Variants in OSGIN2 observed in about 807,000 individuals in gnomAD.
OSGIN2 encodes oxidative stress induced growth inhibitor family member 2.
A neutral mutation model predicts 53.8 loss-of-function variants in OSGIN2; 19 were observed. The observed-to-expected ratio is 0.35, with a 90% CI of 0.25 to 0.52. The LOEUF (loss-of-function observed/expected upper bound fraction) is 0.52. OSGIN2 is among the 20% of genes least tolerant of loss of function. The pLI, the probability that OSGIN2 is intolerant of heterozygous loss-of-function variation, is 0.95. For synonymous variants in OSGIN2, 236 were observed against 236.0 expected (o/e 1.00, Z 0.00); for missense variants, 520 against 662.7 (o/e 0.78, Z 2.36).
At chr8:89,915,339 C>A (rs1294044106) in intron 4 of OSGIN2, among the ~76,000 whole-genome samples, 2 of 152,190 alleles carry the variant, frequency 1.3e-5, no homozygotes, top group Non-Finnish European at 1.5e-5. Context: ...GAGAAATATT[C>A]TCTTCTTATG....
At position 89,925,701 on chromosome 8, in the gene OSGIN2, T is replaced by C. The variant is rs1809310305; in HGVS notation, c.*169T>C. 1 of 562,910 alleles carries C rather than the reference T, an allele frequency of 1.8e-6. No homozygotes were observed. Among genetic ancestry groups the C allele is most frequent in the Non-Finnish European group, 3.1e-6 (1 of 319,960 alleles). The allele number at this position is 562,910 out of a possible 1,614,324, so 34.9% of individuals were successfully genotyped here. ...CTAGAATTTGGTATCCTGATTTATA[T>C]TGCAGTGTTTCAAAGGTGTCACTGT... On this transcript the variant is annotated 3_prime_UTR_variant, in exon 6 of 6. Transcript: ENST00000451899.
intron 4 of OSGIN2, among the ~76,000 whole-genome samples, chr8:89,920,113 T>A (rs1809165082): frequency 6.6e-6 from 1 of 152,190 alleles, no homozygotes; most frequent in Non-Finnish European, 1.5e-5. Context: ...TAATCTCTGA[T>A]AGATAATACA....
chr8:89,915,191 A>T (rs1199244731), intron 4 of OSGIN2, among the ~76,000 whole-genome samples: 1 of 152,214 alleles, frequency 6.6e-6, no homozygotes, highest in East Asian at 1.9e-4. Context: ...GATGGCTTAA[A>T]CAACATATTT....
At chr8:89,917,601 C>T (rs577835916) in intron 4 of OSGIN2, among the ~76,000 whole-genome samples, 2 of 152,296 alleles carry the variant, frequency 1.3e-5, no homozygotes, top group South Asian at 2.1e-4. Context: ...GGCCAAAACA[C>T]TACTATAACC....
chr8:89,905,799 C>T (rs1035053582), intron 1 of OSGIN2, among the ~76,000 whole-genome samples: 1 of 152,142 alleles, frequency 6.6e-6, no homozygotes, highest in Non-Finnish European at 1.5e-5. Context: ...GAGGGCTGCA[C>T]ATGCAAAAAA....
In OSGIN2 at chr8:89,907,500, C is replaced by T. The variant is rs933352424; in HGVS notation, c.45-2067C>T. 2.0e-5 allele frequency among the ~76,000 whole-genome samples: 3 copies of T among 152,146 alleles called. No homozygotes were observed. The East Asian group carries it at 5.8e-4, about 29-fold the overall frequency. On this transcript the variant is annotated intron_variant, in intron 1 of 5. Transcript: ENST00000451899. ...GCATATGGCTAACTAGTTATCCCAG[C>T]ACTATTTATTGAATAGGGAATCCTT...
At chr8:89,906,511 A>G (rs765076349) in intron 1 of OSGIN2, among the ~76,000 whole-genome samples, 1 of 152,008 alleles carries the variant, frequency 6.6e-6, no homozygotes. Context: ...GCTCCCCCTT[A>G]TAAGTGACAA....
At chr8:89,907,716 A>G (rs925201482) in intron 1 of OSGIN2, among the ~76,000 whole-genome samples, 1 of 152,006 alleles carries the variant, frequency 6.6e-6, no homozygotes, top group African/African-American at 2.4e-5. Context: ...TGTTCTTTTC[A>G]CTTAGGATTG....
At chr8:89,902,956 C>G in intron 1 of OSGIN2, 119 bp downstream of exon 1, 1 of 565,218 alleles carries the variant, frequency 1.8e-6, no homozygotes, top group Non-Finnish European at 2.6e-6. Flanking sequence ...CAGCGTCCTC[C>G]CGCCTCGGCC....
chr8:89,905,030 G>C (rs1406583091), intron 1 of OSGIN2, among the ~76,000 whole-genome samples: 1 of 152,084 alleles, frequency 6.6e-6, no homozygotes, highest in African/African-American at 2.4e-5. Flanking sequence ...TAAATTTTAG[G>C]TTCATGGTTC....
At chr8:89,913,991 G>C in intron 2 of OSGIN2, 86 bp from the exon 3 acceptor site, 1 of 1,090,108 alleles carries the variant, frequency 9.2e-7, no homozygotes, top group Non-Finnish European at 1.4e-6. Context: ...TCAGAGAAAA[G>C]AGCCATCTTC....
intron 4 of OSGIN2, among the ~76,000 whole-genome samples, chr8:89,916,339 C>G (rs1809078494): frequency 6.6e-6 from 1 of 151,990 alleles, no homozygotes. Flanking sequence ...TAAAATATAC[C>G]TAAAAGTTGC....
intron 4 of OSGIN2, among the ~76,000 whole-genome samples, chr8:89,918,127 C>A (rs1416059221): frequency 6.6e-6 from 1 of 152,134 alleles, no homozygotes; most frequent in Non-Finnish European, 1.5e-5. Context: ...TTCTGAAAGT[C>A]GGTAACTTTC....
intron 1 of OSGIN2, 35 bp from the exon 2 acceptor site, chr8:89,909,532 T>G (rs577492177): frequency 3.4e-4 from 413 of 1,209,836 alleles, no homozygotes; most frequent in African/African-American, 2.2e-3. Flanking sequence ...ATATTGACTA[T>G]ATCTCTTTTT....
rs1343502699 is a variant in OSGIN2 at position 89,914,207 on chromosome 8, TG to T, written c.331del (p.Asp111IlefsTer4). The T allele has an allele frequency of 6.3e-7, 1 of 1,594,388 alleles. No homozygotes were observed. The highest frequency in any genetic ancestry group is 8.6e-7 in the Non-Finnish European group (1 of 1,168,150). On this transcript the variant is annotated frameshift_variant, in exon 3 of 6. Coordinates refer to ENST00000451899, the MANE Select transcript of OSGIN2 (RefSeq NM_001126111.3). LOFTEE classifies it high-confidence loss of function. ...AAGAAGCAAGACATCTTTCCATTGT[TG>T]ATCAGGTATTATTTCTTACATGTCA... Reference protein sequence around the residue: ...LEEARHLSIVDQDLEYLSEGL... With the variant: ...LEEARHLSIVXQDLEYLSEGL...
At position 89,919,385 on chromosome 8, in the gene OSGIN2, G is replaced by C. The variant is rs1351255212; in HGVS notation, c.529-1695G>C. On this transcript the variant is annotated intron_variant, in intron 4 of 5. Transcript: ENST00000451899. ...ACTCCTAGTAAAGTCACTGGTGCGT[G>C]GTGTCGAGGGATGTTTTCTGTGGGG... is the stretch of plus-strand genomic sequence containing the variant. Among the ~76,000 whole-genome samples, 2 of 152,174 alleles carry C rather than the reference G, an allele frequency of 1.3e-5. 1 individual carries two copies. The highest frequency in any genetic ancestry group is 4.1e-4 in the South Asian group (2 of 4,822).
chr8:89,917,060 C>G (rs915744640), intron 4 of OSGIN2, among the ~76,000 whole-genome samples: 2 of 152,184 alleles, frequency 1.3e-5, no homozygotes, highest in Non-Finnish European at 2.9e-5. Flanking sequence ...ATCTGTGGCA[C>G]CTAATTCATG....
rs556153821 is a variant in OSGIN2 at position 89,910,669 on chromosome 8, T to C, written c.199+948T>C. On this transcript the variant is annotated intron_variant, in intron 2 of 5. Coordinates refer to ENST00000451899, the MANE Select transcript of OSGIN2 (RefSeq NM_001126111.3). ...AGGGACCATACGTCATGTTTCATTT[T>C]CCCCCTTACCTCTAACCTTGGTTTT... 2.2e-4 allele frequency among the ~76,000 whole-genome samples: 33 copies of C among 152,330 alleles called. 1 individual carries two copies. The South Asian group carries it at 6.4e-3, about 30-fold the overall frequency.
intron 4 of OSGIN2, among the ~76,000 whole-genome samples, chr8:89,916,737 T>G (rs533917333): frequency 6.6e-6 from 1 of 152,326 alleles, no homozygotes; most frequent in African/African-American, 2.4e-5. Flanking sequence ...ACAACTTGTT[T>G]GCTTTCCCAC....
Sources: allele counts gnomAD v4.1 joint callset (sites outside exome capture counted in the v4.1 genomes callset), GRCh38; gene constraint gnomAD v4.1.1; transcripts MANE v1.5; gene names NCBI Gene and HGNC (gene_info 2026-07-23, HGNC 2026-07-21).